PARD3B: variants seen among roughly 807,000 people sequenced by gnomAD.
PARD3B encodes partitioning defective 3 homolog B.
In PARD3B, 103 loss-of-function variants were observed where a neutral mutation model predicts 130.2. The ratio of observed to expected loss-of-function variants is 0.79; its 90% CI spans 0.67 to 0.93. PARD3B has a LOEUF of 0.93. Ranked by LOEUF, PARD3B falls within the 40% of genes least tolerant of loss-of-function variation. The pLI, the probability that PARD3B is intolerant of heterozygous loss-of-function variation, is 0.00. For missense variants in PARD3B, 1,609 were observed against 1,499.2 expected (o/e 1.07, Z -1.21); for synonymous variants, 583 against 553.2 (o/e 1.05, Z -0.76).
At chr2:205,417,939 G>A (rs1239814347) in intron 19 of PARD3B, among the ~76,000 whole-genome samples, 1 of 152,174 alleles carries the variant, frequency 6.6e-6, no homozygotes, top group Non-Finnish European at 1.5e-5. Flanking sequence ...CTAATAGGCA[G>A]TACTCCTTGG....
intron 18 of PARD3B, among the ~76,000 whole-genome samples, chr2:205,317,323 A>T (rs1262625557): frequency 1.3e-5 from 2 of 152,180 alleles, no homozygotes; most frequent in Non-Finnish European, 2.9e-5. Context: ...GTATTTGGTC[A>T]CTGATTGAAA....
chr2:205,115,126 A>G (rs925853278), intron 6 of PARD3B, among the ~76,000 whole-genome samples: 4 of 152,136 alleles, frequency 2.6e-5, no homozygotes, highest in Non-Finnish European at 5.9e-5. Flanking sequence ...ACTAGACTTC[A>G]TTTTCAGTAG....
At chr2:205,252,556 G>C (rs760564762) in intron 16 of PARD3B, among the ~76,000 whole-genome samples, 1 of 152,078 alleles carries the variant, frequency 6.6e-6, no homozygotes, top group Admixed American at 6.6e-5. Flanking sequence ...ATACAGAAAA[G>C]GTCAATGAGC....
chr2:205,493,724 G>GTATTTATT (rs1013265539), intron 20 of PARD3B, among the ~76,000 whole-genome samples: 5 of 14,984 alleles, frequency 3.3e-4, no homozygotes, highest in African/African-American at 5.8e-4. Flanking sequence ...ATTTATGTAT[G>GTATTTATT]TATTTATTTA....
chr2:204,553,031 A>G (rs1362260378), intron 1 of PARD3B, among the ~76,000 whole-genome samples: 1 of 152,196 alleles, frequency 6.6e-6, no homozygotes, highest in Non-Finnish European at 1.5e-5. Context: ...AATATCCAGA[A>G]TCTACAATGA....
At chr2:204,674,022 G>A (rs1357067152) in intron 1 of PARD3B, among the ~76,000 whole-genome samples, 1 of 152,024 alleles carries the variant, frequency 6.6e-6, no homozygotes, top group African/African-American at 2.4e-5. Flanking sequence ...GTTATACCCT[G>A]AGCCCGTCCC....
intron 2 of PARD3B, among the ~76,000 whole-genome samples, chr2:204,756,961 T>C (rs2040704388): frequency 6.6e-6 from 1 of 152,142 alleles, no homozygotes; most frequent in African/African-American, 2.4e-5. Context: ...TCCATCTTTG[T>C]GTCCATGTAT....
intron 2 of PARD3B, among the ~76,000 whole-genome samples, chr2:204,716,852 G>A (rs1008372495): frequency 8.5e-5 from 13 of 152,070 alleles, no homozygotes; most frequent in Non-Finnish European, 1.2e-4. Context: ...TCAATCTCCT[G>A]ACCTCGTGAT....
intron 2 of PARD3B, among the ~76,000 whole-genome samples, chr2:204,732,596 C>T (rs1309108433): frequency 6.6e-6 from 1 of 151,636 alleles, no homozygotes; most frequent in African/African-American, 2.4e-5. Flanking sequence ...GCTCTGCCTC[C>T]CAGGTTCATG....
chr2:205,424,409 T>C (rs2047074351), intron 19 of PARD3B, among the ~76,000 whole-genome samples: 1 of 152,162 alleles, frequency 6.6e-6, no homozygotes, highest in Admixed American at 6.6e-5. Context: ...GAAGACTCTA[T>C]GTAACCTGGG....
At chr2:204,871,628 T>C (rs559145746) in intron 2 of PARD3B, among the ~76,000 whole-genome samples, 9 of 152,288 alleles carry the variant, frequency 5.9e-5, no homozygotes, top group African/African-American at 2.2e-4. Context: ...AACTAATGAA[T>C]ATTCTTTTTA....
chr2:204,662,884 C>T (rs989646027), intron 1 of PARD3B, among the ~76,000 whole-genome samples: 6 of 152,122 alleles, frequency 3.9e-5, no homozygotes, highest in Non-Finnish European at 8.8e-5. Context: ...ACCTTTTGGA[C>T]TTGAGACCCC....
At chr2:204,869,655 G>C (rs1355910312) in intron 2 of PARD3B, among the ~76,000 whole-genome samples, 1 of 151,978 alleles carries the variant, frequency 6.6e-6, no homozygotes. Context: ...TTTGTTGGCT[G>C]TGATTCTTTT....
chr2:205,054,445 T>A lies in PARD3B; in HGVS notation c.504+6755T>A, dbSNP rs1428576966. Among the ~76,000 whole-genome samples the A allele has an allele frequency of 3.8e-3, 403 of 106,028 alleles. 1 individual carries two copies. The highest frequency in any genetic ancestry group is 6.4e-3 in the South Asian group (19 of 2,970). The allele number at this position is 106,028 out of a possible 152,430, so 69.6% of individuals were successfully genotyped here. On this transcript the variant is annotated intron_variant, in intron 4 of 22. Transcript: ENST00000406610. ...ATATATATATATATATATTTTTTTT[T>A]TTTTTTTTTTTTAATTATACTCTAA...
intron 18 of PARD3B, among the ~76,000 whole-genome samples, chr2:205,311,498 C>T (rs2042384238): frequency 6.6e-6 from 1 of 152,138 alleles, no homozygotes. Flanking sequence ...TACCTCTTGT[C>T]TTCCCCCTCT....
At position 205,011,115 on chromosome 2, in the gene PARD3B, C is replaced by T. The variant is rs1695675345; in HGVS notation, c.395-36466C>T. On this transcript the variant is annotated intron_variant, in intron 3 of 22. Coordinates refer to ENST00000406610, the MANE Select transcript of PARD3B (RefSeq NM_001302769.2). The surrounding 1 kb of genome is among the most constrained non-coding windows in gnomAD (Gnocchi z 4.1). ...ATTGGATAGAGATCCTGCCTATTCA[C>T]TCTTGGCTGGTAGATGTTGTTATCC... 6.6e-6 allele frequency among the ~76,000 whole-genome samples: 1 copy of T among 152,186 alleles called. No individual in the cohort carries two copies. The highest frequency in any genetic ancestry group is 2.1e-4 in the South Asian group (1 of 4,834).
chr2:204,744,563 G>A (rs897596553), intron 2 of PARD3B, among the ~76,000 whole-genome samples: 1 of 152,098 alleles, frequency 6.6e-6, no homozygotes, highest in Non-Finnish European at 1.5e-5. Flanking sequence ...AGGGTTTAAT[G>A]GCTGAAACAA....
chr2:204,627,985 GT>G (rs3051373), intron 1 of PARD3B, among the ~76,000 whole-genome samples: 5,332 of 143,228 alleles, frequency 0.037, 218 homozygotes, highest in East Asian at 0.13. Context: ...GTTTTTTTGC[GT>G]TTTTTTTTTT....
intron 12 of PARD3B, among the ~76,000 whole-genome samples, chr2:205,173,866 C>A (rs932383413): frequency 1.3e-5 from 2 of 152,156 alleles, no homozygotes; most frequent in African/African-American, 2.4e-5. Context: ...AGCCCTAGGA[C>A]TCCATGGAAC....
Sources: gnomAD v4.1 joint callset for allele counts (sites outside exome capture counted in the v4.1 genomes callset) on GRCh38, gnomAD v4.1.1 for gene constraint, Gnocchi (gnomAD v3.1) non-coding constraint, MANE v1.5 for transcripts, NCBI Gene and HGNC (gene_info 2026-07-23, HGNC 2026-07-21) for gene names.